The following WDR7 variants were observed in gnomAD, a reference collection of about 807,000 sequenced individuals.
The protein encoded by WDR7 is WD repeat domain 7.
Under a neutral mutation model 169.4 loss-of-function variants are expected in WDR7, and 46 were observed. The observed-to-expected ratio is 0.27, with a 90% CI of 0.21 to 0.35. The LOEUF is 0.35. Among genes scored for constraint, WDR7 ranks in the 10% least tolerant of loss-of-function variants. WDR7 has a pLI of 1.00. For missense variants in WDR7, 1,534 were observed against 1,859.3 expected (o/e 0.83, Z 3.22); for synonymous variants, 612 against 666.8 (o/e 0.92, Z 1.27).
intron 26 of WDR7, among the ~76,000 whole-genome samples, chr18:56,995,496 A>C (rs2047886411): frequency 1.3e-5 from 2 of 152,218 alleles, no homozygotes; most frequent in East Asian, 1.9e-4. Flanking sequence ...TTCTGTATTC[A>C]GTAAACACTG....
At chr18:56,756,437 G>A (rs1255789502) in intron 14 of WDR7, 146 bp from the exon 15 acceptor site, 1 of 681,412 alleles carries the variant, frequency 1.5e-6, no homozygotes, top group Non-Finnish European at 2.3e-6. Flanking sequence ...GATTGGCAAA[G>A]TTAGTATGTT....
At chr18:56,693,930 C>T (rs537359380) in intron 9 of WDR7, among the ~76,000 whole-genome samples, 10 of 151,956 alleles carry the variant, frequency 6.6e-5, no homozygotes, top group East Asian at 1.9e-4. Flanking sequence ...AGTGCAGTAG[C>T]GAAATGATAG....
intron 19 of WDR7, among the ~76,000 whole-genome samples, chr18:56,794,538 T>A (rs1280945853): frequency 6.6e-6 from 1 of 151,938 alleles, no homozygotes; most frequent in African/African-American, 2.4e-5. Flanking sequence ...CTCGATCTCC[T>A]GACCTTGTGA....
chr18:56,758,960 T>G lies in WDR7; in HGVS notation c.2848+7T>G. On this transcript the variant is annotated splice_region_variant and intron_variant, in intron 16 of 27. Coordinates refer to ENST00000254442, the MANE Select transcript of WDR7 (RefSeq NM_015285.3). ...CAAGGACAGATTAAACAAGGTAAAA[T>G]TAAATCTTATTAAGTAATTGACATG... The G allele has an allele frequency of 6.2e-7, 1 of 1,602,056 alleles. No individual in the cohort carries two copies. The highest frequency in any genetic ancestry group is 8.5e-7 in the Non-Finnish European group (1 of 1,171,776).
Position 56,756,990 on chromosome 18 carries a change from T to C in WDR7, c.2397T>C (p.Thr799=), listed in dbSNP as rs766570979. Residue 799 remains threonine, a synonymous_variant, in exon 15 of 28, where the codon ACT becomes ACC. Coordinates refer to ENST00000254442, the MANE Select transcript of WDR7 (RefSeq NM_015285.3). ...TLLEYNLTMD[T]AKLFMSCLHA... ...TAGAATATAATTTAACTATGGACACTGCAAAGCTGTTTATGTCCTGCCTTC... is the reference window on the plus strand; with the variant it reads ...TAGAATATAATTTAACTATGGACACCGCAAAGCTGTTTATGTCCTGCCTTC... 3 of 1,614,040 alleles carry C rather than the reference T, an allele frequency of 1.9e-6. No homozygotes were observed. The African/African-American group carries it at 4.0e-5, about 22-fold the overall frequency.
chr18:56,876,387 A>T (rs2046022025), intron 20 of WDR7, among the ~76,000 whole-genome samples: 1 of 152,172 alleles, frequency 6.6e-6, no homozygotes, highest in Non-Finnish European at 1.5e-5. Context: ...TGCCAAATAC[A>T]TTGCTATGAT....
rs1413900576 is a variant in WDR7 at position 56,756,654 on chromosome 18, C to G, written c.2061C>G (p.Asp687Glu). ...QAIKTNLTDP[D>E]IHVLFFDVEA... ...TAAAGACAAACCTAACAGACCCGGA[C>G]ATACATGTGCTATTCTTTGATGTGG... The change falls in exon 15 of 28, where the codon GAC becomes GAG. Residue 687 changes from aspartate (D) to glutamate (E), a missense_variant. Asp to Glu is a conservative substitution (Grantham distance 45, BLOSUM62 2). Transcript: ENST00000254442. The G allele has an allele frequency of 6.2e-7, 1 of 1,614,116 alleles. No individual in the cohort carries two copies. Among genetic ancestry groups the G allele is most frequent in the East Asian group, 2.2e-5 (1 of 44,868 alleles).
At chr18:56,896,196 A>C (rs1050049719) in intron 21 of WDR7, among the ~76,000 whole-genome samples, 1 of 151,846 alleles carries the variant, frequency 6.6e-6, no homozygotes, top group African/African-American at 2.4e-5. Flanking sequence ...ACACCTAGAG[A>C]GATATACATT....
intron 20 of WDR7, among the ~76,000 whole-genome samples, chr18:56,817,506 T>C (rs889207424): frequency 1.3e-5 from 2 of 152,148 alleles, no homozygotes; most frequent in African/African-American, 2.4e-5. Flanking sequence ...CCTATAGCCT[T>C]GTGCCACTGC....
intron 1 of WDR7, 150 bp downstream of exon 1, chr18:56,651,726 G>C (rs537833919): frequency 7.9e-5 from 12 of 152,590 alleles, no homozygotes; most frequent in African/African-American, 2.4e-4. Flanking sequence ...AAGCCTGCAG[G>C]TCGGGCCCAA....
At chr18:56,914,815 C>A (rs1363484184) in intron 21 of WDR7, among the ~76,000 whole-genome samples, 1 of 152,192 alleles carries the variant, frequency 6.6e-6, no homozygotes, top group East Asian at 1.9e-4. Flanking sequence ...GAAGCTAAGA[C>A]TGTCTCCTAT....
chr18:56,794,304 A>ATTTTCTTTTTTTTTTTT (rs2044543788), intron 19 of WDR7, among the ~76,000 whole-genome samples: 1 of 49,466 alleles, frequency 2.0e-5, no homozygotes, highest in Non-Finnish European at 3.8e-5. Flanking sequence ...GGTAAAGTCT[A>ATTTTCTTTTTTTTTTTT]TTTTTTTTTT....
intron 14 of WDR7, among the ~76,000 whole-genome samples, chr18:56,732,886 C>T (rs774933910): frequency 1.3e-5 from 2 of 152,124 alleles, no homozygotes; most frequent in South Asian, 2.1e-4. Flanking sequence ...TGTTTAAGAG[C>T]ATGCATGCAT....
At chr18:56,993,965 T>C (rs1019317827) in intron 26 of WDR7, among the ~76,000 whole-genome samples, 1 of 152,118 alleles carries the variant, frequency 6.6e-6, no homozygotes, top group Non-Finnish European at 1.5e-5. Context: ...ACAAGTGTCA[T>C]CGCTCATCTG....
chr18:57,017,407 T>G (rs1254207787), intron 26 of WDR7, among the ~76,000 whole-genome samples: 3 of 128,566 alleles, frequency 2.3e-5, no homozygotes, highest in Non-Finnish European at 5.0e-5. Flanking sequence ...CCTAGCAGCA[T>G]CATGCTGTGT....
Position 57,020,748 on chromosome 18 carries a change from A to G in WDR7, c.4168A>G (p.Ile1390Val), listed in dbSNP as rs200886080. ...TGATATCTGAATTTTATTTTAGACA[A>G]TCCATGGACACAAGGGACCAATCAC... ...YDIRTGKCQTIHGHKGPITAV... is the reference protein window; with the variant it reads ...YDIRTGKCQTVHGHKGPITAV... The change falls in exon 27 of 28, where the codon ATC (isoleucine) becomes GTC (valine). Residue 1390 changes from isoleucine (I) to valine (V), a missense_variant. Transcript: ENST00000254442. 27 of 1,614,002 alleles carry G rather than the reference A, an allele frequency of 1.7e-5. No individual in the cohort carries two copies. The Admixed American group carries it at 3.0e-4, about 18-fold the overall frequency.
intron 1 of WDR7, among the ~76,000 whole-genome samples, chr18:56,667,955 G>T (rs2025057731): frequency 6.6e-6 from 1 of 152,126 alleles, no homozygotes. Context: ...GAGTGGTGGT[G>T]GAGACAGCCA....
chr18:56,754,247 TTGTGTGTG>T (rs71169393), intron 14 of WDR7, among the ~76,000 whole-genome samples: 46,858 of 141,482 alleles, frequency 0.33, 8,380 homozygotes, highest in Non-Finnish European at 0.41. Context: ...GTTTTGTGCT[TTGTGTGTG>T]TGTGTGTGTG....
At chr18:57,009,119 G>GA (rs1264119362) in intron 26 of WDR7, among the ~76,000 whole-genome samples, 9 of 151,846 alleles carry the variant, frequency 5.9e-5, no homozygotes, top group Non-Finnish European at 1.3e-4. Flanking sequence ...ATTGCTATGT[G>GA]AAAAAAAGAC....
Sources: allele counts gnomAD v4.1 joint callset (sites outside exome capture counted in the v4.1 genomes callset), GRCh38; gene constraint gnomAD v4.1.1; transcripts MANE v1.5; gene names NCBI Gene and HGNC (gene_info 2026-07-23, HGNC 2026-07-21).